Variants in ACVR1C observed in about 807,000 individuals in gnomAD.
The protein encoded by ACVR1C is activin receptor type-1C.
A neutral mutation model predicts 57.9 loss-of-function variants in ACVR1C; 23 were observed. The observed-to-expected ratio is 0.40, with a 90% CI of 0.29 to 0.56. The LOEUF is 0.56. Among genes scored for constraint, ACVR1C ranks in the 20% least tolerant of loss-of-function variants. The probability of loss-of-function intolerance (pLI) is 0.50; values close to 1 mark genes in which losing one functional copy is unlikely to be tolerated. For missense variants in ACVR1C, 480 were observed against 607.9 expected (o/e 0.79, Z 2.21); for synonymous variants, 214 against 215.3 (o/e 0.99, Z 0.05).
rs777117720 is a variant in ACVR1C, at chr2:157,587,251, A to G, written c.240T>C (p.Asn80=). ...TGAAGCAGCATTCGGTTTTGGTAAC[A>G]TTGTTGGAACTATGACAGAAGACTT... ...NAQVFCHSSN[N]VTKTECCFTD... The change falls in exon 2 of 9, where the codon AAT becomes AAC. Residue 80 remains asparagine (N), a synonymous_variant. Transcript: ENST00000243349. The G allele has an allele frequency of 4.3e-6, 7 of 1,613,738 alleles. No individual in the cohort carries two copies. Among genetic ancestry groups the G allele is most frequent in the Non-Finnish European group, 5.1e-6 (6 of 1,179,686 alleles).
At chr2:157,561,415 C>T (rs1688227529) in intron 2 of ACVR1C, among the ~76,000 whole-genome samples, 1 of 152,162 alleles carries the variant, frequency 6.6e-6, no homozygotes, top group South Asian at 2.1e-4. Flanking sequence ...CTGTTTCTAT[C>T]CTGGCACCTG....
intron 7 of ACVR1C, among the ~76,000 whole-genome samples, chr2:157,539,265 C>G (rs1441501672): frequency 1.3e-5 from 2 of 152,036 alleles, no homozygotes; most frequent in Admixed American, 1.3e-4. Flanking sequence ...GACTTTAGAA[C>G]TACTGAACCT....
chr2:157,579,087 T>G (rs1278300416), intron 2 of ACVR1C, among the ~76,000 whole-genome samples: 1 of 152,220 alleles, frequency 6.6e-6, no homozygotes, highest in Non-Finnish European at 1.5e-5. Context: ...TTTACTATAA[T>G]GTGTTAAGCT....
intron 1 of ACVR1C, among the ~76,000 whole-genome samples, chr2:157,599,754 T>A (rs982373998): frequency 6.6e-6 from 1 of 152,186 alleles, no homozygotes; most frequent in African/African-American, 2.4e-5. Context: ...CCAATTATAA[T>A]CAACTCCTGA....
chr2:157,584,157 T>C (rs1688858182), intron 2 of ACVR1C, among the ~76,000 whole-genome samples: 1 of 151,618 alleles, frequency 6.6e-6, no homozygotes, highest in South Asian at 2.1e-4. Context: ...ACTCTTCCAA[T>C]TCAACCAGAA....
At chr2:157,555,063 G>T (rs1301290130) in intron 3 of ACVR1C, among the ~76,000 whole-genome samples, 1 of 149,362 alleles carries the variant, frequency 6.7e-6, no homozygotes, top group Admixed American at 6.6e-5. Flanking sequence ...TGTGAGAAAG[G>T]CTCATTTAGG....
At chr2:157,572,158 T>C (rs1301427770) in intron 2 of ACVR1C, among the ~76,000 whole-genome samples, 34 of 113,740 alleles carry the variant, frequency 3.0e-4, no homozygotes, top group Non-Finnish European at 5.6e-4. Context: ...TAGGTGGGAA[T>C]TGAACAATGA....
Position 157,553,091 on chromosome 2 carries a change from G to A in ACVR1C, c.545-2699C>T, listed in dbSNP as rs186564585. 2.1e-3 allele frequency among the ~76,000 whole-genome samples: 319 copies of A among 152,252 alleles called. 1 individual carries two copies. The highest frequency in any genetic ancestry group is 3.2e-3 in the Non-Finnish European group (218 of 68,010). On this transcript the variant is annotated intron_variant, in intron 3 of 8. Transcript: ENST00000243349. The stretch of plus-strand genomic sequence containing the variant: ...TTGTCCCTGACCAGGTCAAGAATAC[G>A]CTTCACAGTTTTTGTTCCTCAGCAT...
At chr2:157,554,206 A>AGAAAGAAAGAAAGAAAGAAG (rs1688000908) in intron 3 of ACVR1C, among the ~76,000 whole-genome samples, 1 of 70,636 alleles carries the variant, frequency 1.4e-5, no homozygotes, top group Admixed American at 1.3e-4. Flanking sequence ...GAAGAGAGAA[A>AGAAAGAAAGAAAGAAAGAAG]GAAAGAAAGA....
At chr2:157,620,479 CTT>C (rs1682746968) in intron 1 of ACVR1C, among the ~76,000 whole-genome samples, 1 of 151,988 alleles carries the variant, frequency 6.6e-6, no homozygotes, top group South Asian at 2.1e-4. Context: ...ACTTAATACT[CTT>C]TAATATATTT....
intron 3 of ACVR1C, among the ~76,000 whole-genome samples, chr2:157,554,621 C>G (rs1246714888): frequency 6.6e-6 from 1 of 152,110 alleles, no homozygotes; most frequent in Non-Finnish European, 1.5e-5. Flanking sequence ...CCAGAAGGAG[C>G]GAACTATCTG....
intron 2 of ACVR1C, among the ~76,000 whole-genome samples, chr2:157,575,314 G>A (rs184652973): frequency 2.6e-5 from 4 of 152,186 alleles, no homozygotes; most frequent in Admixed American, 2.6e-4. Flanking sequence ...TGTATTTTTA[G>A]TAGATACAGG....
At chr2:157,613,117 A>G (rs1409085955) in intron 1 of ACVR1C, among the ~76,000 whole-genome samples, 1 of 152,158 alleles carries the variant, frequency 6.6e-6, no homozygotes, top group African/African-American at 2.4e-5. Context: ...ATTCCCTGCA[A>G]TAGGAAGCCC....
At position 157,528,907 on chromosome 2, in the gene ACVR1C, T is replaced by C. The variant is rs1687295714; in HGVS notation, c.*5011A>G. On this transcript the variant is annotated 3_prime_UTR_variant, in exon 9 of 9. Transcript: ENST00000243349. ...CTCTTATACAGAGAACTTAAAATCT[T>C]GTTAAGAAGTTCATTGTGTAGAAGT... 1 of 152,168 alleles carries C rather than the reference T, an allele frequency of 6.6e-6. No homozygotes were observed. Among genetic ancestry groups the C allele is most frequent in the Non-Finnish European group, 1.5e-5 (1 of 68,024 alleles). The allele number at this position is 152,168 out of a possible 1,614,324, so 9.4% of individuals were successfully genotyped here.
At position 157,541,135 on chromosome 2, in the gene ACVR1C, C is replaced by T; in HGVS notation, c.1180G>A (p.Val394Ile). ...GCTATTTCCCAGTAAACCAGACCAA[C>T]AGAATAGATGTCAGCTCGTTTGAAG... ...ESFKRADIYS[V>I]GLVYWEIARR... The change falls in exon 7 of 9, where the codon GTT (valine) becomes ATT (isoleucine). Residue 394 changes from valine to isoleucine, a missense_variant. By Grantham distance (29) the Val-to-Ile change is conservative. Coordinates refer to ENST00000243349, the MANE Select transcript of ACVR1C (RefSeq NM_145259.3). 7 of 1,614,014 alleles carry T rather than the reference C, an allele frequency of 4.3e-6. No individual in the cohort carries two copies. Among genetic ancestry groups the T allele is most frequent in the Non-Finnish European group, 5.1e-6 (6 of 1,179,968 alleles).
chr2:157,577,354 T>C (rs1367010526), intron 2 of ACVR1C, among the ~76,000 whole-genome samples: 2 of 152,206 alleles, frequency 1.3e-5, no homozygotes, highest in African/African-American at 4.8e-5. Flanking sequence ...GACAGTGGTA[T>C]GCTGAAATCT....
intron 4 of ACVR1C, among the ~76,000 whole-genome samples, chr2:157,546,982 C>A (rs1369241708): frequency 7.5e-6 from 1 of 133,196 alleles, no homozygotes; most frequent in Admixed American, 8.1e-5. Flanking sequence ...CCCACCCCAC[C>A]ACAGTCCCCA....
chr2:157,592,293 G>A (rs773251244), intron 1 of ACVR1C, among the ~76,000 whole-genome samples: 19 of 152,048 alleles, frequency 1.2e-4, no homozygotes, highest in South Asian at 2.1e-4. Context: ...TTATAAAAAT[G>A]ATTACATAAT....
intron 3 of ACVR1C, among the ~76,000 whole-genome samples, chr2:157,554,238 A>G (rs1688010410): frequency 7.4e-6 from 1 of 135,476 alleles, no homozygotes. Context: ...AAAGAAAGAA[A>G]GAAAGAAAGA....
Sources: gnomAD v4.1 joint callset for allele counts (sites outside exome capture counted in the v4.1 genomes callset) on GRCh38, gnomAD v4.1.1 for gene constraint, MANE v1.5 for transcripts, NCBI Gene and HGNC (gene_info 2026-07-23, HGNC 2026-07-21) for gene names.